The following CDH19 variants were observed in gnomAD, a reference collection of about 807,000 sequenced individuals.
CDH19 encodes the protein cadherin 19.
In CDH19, 67 loss-of-function variants were observed where a neutral mutation model predicts 64.2. The ratio of observed to expected loss-of-function variants is 1.04; its 90% CI spans 0.86 to 1.28. The LOEUF is 1.28. Among genes scored for constraint, CDH19 ranks in the 50% most tolerant of loss-of-function variants. The pLI, the probability that CDH19 is intolerant of heterozygous loss-of-function variation, is 0.00. For missense variants in CDH19, 1,030 were observed against 929.0 expected, an observed-to-expected ratio of 1.11 and a Z score of -1.41; for synonymous variants, 346 against 319.3, an observed-to-expected ratio of 1.08 and a Z score of -0.89.
intron 4 of CDH19, 77 bp downstream of exon 4, chr18:66,554,328 T>A: frequency 1.4e-6 from 2 of 1,468,210 alleles, no homozygotes; most frequent in Non-Finnish European, 1.9e-6. Context: ...TAAAACATGT[T>A]TCTAAGCAGA....
intron 1 of CDH19, among the ~76,000 whole-genome samples, chr18:66,598,552 G>A (rs1457105882): frequency 6.6e-6 from 1 of 152,072 alleles, no homozygotes; most frequent in Non-Finnish European, 1.5e-5. Context: ...TGGAACTGGA[G>A]GCCATTATCT....
At chr18:66,532,138 C>T (rs575075388) in intron 8 of CDH19, among the ~76,000 whole-genome samples, 59 of 151,956 alleles carry the variant, frequency 3.9e-4, no homozygotes, top group African/African-American at 1.3e-3. Context: ...GGCTAATTTT[C>T]GTATTTTTAG....
chr18:66,597,594 A>G (rs1988934509), intron 1 of CDH19, among the ~76,000 whole-genome samples: 1 of 152,170 alleles, frequency 6.6e-6, no homozygotes, highest in Non-Finnish European at 1.5e-5. Flanking sequence ...ATTAAAATTG[A>G]CATGTGGGAC....
At chr18:66,521,927 G>T (rs775337448) in intron 9 of CDH19, among the ~76,000 whole-genome samples, 1 of 89,426 alleles carries the variant, frequency 1.1e-5, no homozygotes, top group African/African-American at 5.0e-5. Context: ...TGTTGTTGTT[G>T]TTGTTGTTGT....
chr18:66,525,569 T>A (rs1322593809), intron 9 of CDH19, among the ~76,000 whole-genome samples: 2 of 152,126 alleles, frequency 1.3e-5, no homozygotes, highest in African/African-American at 4.8e-5. Flanking sequence ...GACTCTATGA[T>A]CAACACTGGA....
At chr18:66,570,394 A>G (rs1988063417) in intron 2 of CDH19, among the ~76,000 whole-genome samples, 1 of 151,742 alleles carries the variant, frequency 6.6e-6, no homozygotes, top group Non-Finnish European at 1.5e-5. Context: ...CATTTCAATC[A>G]AATGGCCTGT....
At chr18:66,586,600 C>G (rs991860648) in intron 1 of CDH19, among the ~76,000 whole-genome samples, 1 of 151,634 alleles carries the variant, frequency 6.6e-6, no homozygotes, top group Admixed American at 6.6e-5. Flanking sequence ...CCTTTCATTC[C>G]AAAAGCACCT....
At chr18:66,533,946 T>TA (rs1986555795) in intron 8 of CDH19, among the ~76,000 whole-genome samples, 1 of 151,912 alleles carries the variant, frequency 6.6e-6, no homozygotes, top group Admixed American at 6.6e-5. Flanking sequence ...TTCACAGTAG[T>TA]AAAAAAATGG....
chr18:66,603,245 A>G (rs1478922411), intron 1 of CDH19, among the ~76,000 whole-genome samples: 1 of 150,798 alleles, frequency 6.6e-6, no homozygotes, highest in Admixed American at 6.6e-5. Flanking sequence ...TTCAATTAAA[A>G]TTGCATGTAC....
chr18:66,590,601 T>C (rs556148734), intron 1 of CDH19, among the ~76,000 whole-genome samples: 2 of 151,966 alleles, frequency 1.3e-5, no homozygotes, highest in East Asian at 3.9e-4. Context: ...AAACTTTTCA[T>C]AATTTATTCT....
intron 2 of CDH19, 117 bp downstream of exon 2, chr18:66,571,893 G>A: frequency 3.0e-6 from 2 of 674,612 alleles, no homozygotes; most frequent in Admixed American, 2.9e-5. Context: ...GCTGCTGTTT[G>A]AAGCTTTTCA....
Position 66,588,210 on chromosome 18 carries a change from G to A in CDH19, c.-113+15744C>T, listed in dbSNP as rs1988632946. 2.6e-5 allele frequency among the ~76,000 whole-genome samples: 4 copies of A among 152,090 alleles called. No individual in the cohort carries two copies. In the South Asian group the frequency reaches 8.3e-4, roughly 32 times the overall value. The stretch of plus-strand genomic sequence containing the variant: ...CCAGTCTGAGTGAGTGTGACCATGT[G>A]AGGGTGATCCTGCAATGGGATGGCA... On this transcript the variant is annotated intron_variant, in intron 1 of 11. Transcript: ENST00000262150.
chr18:66,552,434 T>C (rs1987377710), intron 4 of CDH19, among the ~76,000 whole-genome samples: 1 of 152,074 alleles, frequency 6.6e-6, no homozygotes, highest in South Asian at 2.1e-4. Flanking sequence ...AATTAGACCA[T>C]AACATGAGGG....
chr18:66,590,458 C>T (rs560166175), intron 1 of CDH19, among the ~76,000 whole-genome samples: 2 of 151,314 alleles, frequency 1.3e-5, no homozygotes, highest in Non-Finnish European at 3.0e-5. Flanking sequence ...AAGAATTTTG[C>T]TTTCTTTAGA....
At chr18:66,527,094 G>A (rs1273266514) in intron 9 of CDH19, among the ~76,000 whole-genome samples, 1 of 149,804 alleles carries the variant, frequency 6.7e-6, no homozygotes, top group African/African-American at 2.4e-5. Context: ...TATGTGTATG[G>A]CAAGCTTAAA....
At chr18:66,569,101 G>A (rs1319514121) in intron 2 of CDH19, among the ~76,000 whole-genome samples, 1 of 151,434 alleles carries the variant, frequency 6.6e-6, no homozygotes, top group Non-Finnish European at 1.5e-5. Context: ...ACAATTTAGT[G>A]ACATTTAAAC....
At chr18:66,544,941 T>G in intron 5 of CDH19, 38 bp from the exon 6 acceptor site, 1 of 1,381,350 alleles carries the variant, frequency 7.2e-7, no homozygotes, top group Non-Finnish European at 9.8e-7. Context: ...GGATAAATAC[T>G]TAATATAGAC....
At chr18:66,535,526 A>C (rs2144443673) in intron 7 of CDH19, among the ~76,000 whole-genome samples, 2 of 150,468 alleles carry the variant, frequency 1.3e-5, no homozygotes, top group South Asian at 4.2e-4. Flanking sequence ...ATAAAAAGTA[A>C]AGTCTATATA....
intron 9 of CDH19, among the ~76,000 whole-genome samples, chr18:66,515,536 G>A (rs977924228): frequency 2.6e-5 from 4 of 151,644 alleles, no homozygotes; most frequent in African/African-American, 9.7e-5. Flanking sequence ...GGTCATTATA[G>A]CATAATATTT....
Sources: allele counts gnomAD v4.1 joint callset (sites outside exome capture counted in the v4.1 genomes callset), GRCh38; gene constraint gnomAD v4.1.1; transcripts MANE v1.5; gene names NCBI Gene and HGNC (gene_info 2026-07-23, HGNC 2026-07-21).